Variants in RP1 observed in about 807,000 individuals in gnomAD.
The protein encoded by RP1 is RP1 axonemal microtubule associated, also known as oxygen-regulated protein 1.
A neutral mutation model predicts 14.8 loss-of-function variants in RP1; 16 were observed. The ratio of observed to expected loss-of-function variants is 1.08; its 90% confidence interval spans 0.73 to 1.65. The LOEUF (loss-of-function observed/expected upper bound fraction) is 1.65, where lower values mean the gene tolerates loss of function less well. Among genes scored for constraint, RP1 ranks in the 40% most tolerant of loss-of-function variants. The pLI is 0.00. For synonymous variants in RP1, 876 were observed against 883.6 expected (o/e 0.99, Z 0.15); for missense variants, 2,631 against 2,535.0 (o/e 1.04, Z -0.81).
chr8:54,786,724 G>T (rs1462976296), intron 24 of RP1, among the ~76,000 whole-genome samples: 1 of 152,066 alleles, frequency 6.6e-6, no homozygotes, highest in African/African-American at 2.4e-5. Context: ...TGCCATTTCA[G>T]AAGTCCTGCT....
At chr8:54,786,054 T>C (rs1003102009) in intron 24 of RP1, among the ~76,000 whole-genome samples, 1 of 152,096 alleles carries the variant, frequency 6.6e-6, no homozygotes, top group South Asian at 2.1e-4. Flanking sequence ...AAAAAATATG[T>C]TTTACAATTT....
In RP1 at chr8:54,625,912, G is replaced by C. The variant is rs940904438; in HGVS notation, c.2030G>C (p.Arg677Pro). The change falls in exon 4 of 4, where the codon CGA becomes CCA. Residue 677 changes from arginine to proline, a missense_variant. Transcript: ENST00000220676. ...GCCAGCAAAAAGAAGAAAAAATCTC[G>C]ACAGCAAGCAATAAATTCCAGGTAT... ...SVASKKKKKSRQQAINSRYQD... is the reference protein window; with the variant it reads ...SVASKKKKKSPQQAINSRYQD... 1.2e-6 allele frequency: 2 copies of C among 1,613,594 alleles called. No homozygotes were observed. Among genetic ancestry groups the C allele is most frequent in the African/African-American group, 1.3e-5 (1 of 74,848 alleles).
At chr8:54,596,888 C>G (rs1457498627) in intron 1 of RP1, among the ~76,000 whole-genome samples, 1 of 152,140 alleles carries the variant, frequency 6.6e-6, no homozygotes. Flanking sequence ...TCCTTCCTTT[C>G]TATTCCTATT....
At chr8:54,581,187 G>A in intron 1 of RP1, among the ~76,000 whole-genome samples, 1 of 150,792 alleles carries the variant, frequency 6.6e-6, no homozygotes, top group African/African-American at 2.4e-5. Flanking sequence ...CCCGGTGTGT[G>A]ATGTTCCCCT....
chr8:54,739,379 T>C (rs770513768), intron 19 of RP1, among the ~76,000 whole-genome samples: 11 of 152,098 alleles, frequency 7.2e-5, no homozygotes, highest in Non-Finnish European at 1.6e-4. Context: ...CATCATAACC[T>C]CAAGAAATTG....
rs747841240 is a variant in RP1, at chr8:54,626,246, A to G, written c.2364A>G (p.Gly788=). The change falls in exon 4 of 4, where the codon GGA becomes GGG. Residue 788 remains glycine, a synonymous_variant. Transcript: ENST00000220676. Reference sequence around the variant, plus strand: ...GATCACTAAATAAAATAAGCTTAGGAGCACCTAAAAAAAGAGAAATCGGTC... The same window carrying G: ...GATCACTAAATAAAATAAGCTTAGGGGCACCTAAAAAAAGAGAAATCGGTC... ...KSRSLNKISL[G]APKKREIGQR... is the part of the protein sequence containing the mutation. 3.1e-6 allele frequency: 5 copies of G among 1,613,438 alleles called. 1 individual carries two copies. Among genetic ancestry groups the G allele is most frequent in the Admixed American group, 3.3e-5 (2 of 59,986 alleles).
At chr8:54,614,391 C>T (rs919100791), upstream of RP1, among the ~76,000 whole-genome samples, 1 of 152,116 alleles carries the variant, frequency 6.6e-6, no homozygotes, top group Non-Finnish European at 1.5e-5. Flanking sequence ...CTTAGACTCA[C>T]TTATCAAAGG....
At chr8:54,632,040 C>G (rs543206295), downstream of RP1, among the ~76,000 whole-genome samples, 2 of 152,052 alleles carry the variant, frequency 1.3e-5, no homozygotes, top group African/African-American at 4.8e-5. Flanking sequence ...CGGGGTTTCT[C>G]CATGTTGGTT....
intron 1 of RP1, among the ~76,000 whole-genome samples, chr8:54,599,722 T>A (rs1317617339): frequency 6.6e-6 from 1 of 152,182 alleles, no homozygotes; most frequent in African/African-American, 2.4e-5. Context: ...CCCAAAGTAC[T>A]GGGGTTACAG....
chr8:54,569,169 G>A (rs1804470304), intron 1 of RP1, among the ~76,000 whole-genome samples: 1 of 152,208 alleles, frequency 6.6e-6, no homozygotes, highest in Admixed American at 6.5e-5. Flanking sequence ...AAGATTATGT[G>A]TCAGTCAGAA....
At chr8:54,566,079 CA>C (rs74576800) in intron 1 of RP1, among the ~76,000 whole-genome samples, 34,020 of 152,106 alleles carry the variant, frequency 0.22, 4,225 homozygotes, top group East Asian at 0.37. Context: ...ATTCGGGGCC[CA>C]ACCCCACTCC....
intron 24 of RP1, among the ~76,000 whole-genome samples, chr8:54,792,199 A>G (rs1388508509): frequency 2.6e-5 from 4 of 152,036 alleles, no homozygotes; most frequent in African/African-American, 9.6e-5. Context: ...GCATCTAAAT[A>G]TATGAAGTGA....
At chr8:54,755,868 T>C in intron 21 of RP1, 1 of 1,183,644 alleles carries the variant, frequency 8.4e-7, no homozygotes, top group Non-Finnish European at 1.1e-6. Flanking sequence ...CTCTTCAAAT[T>C]GTAGTTTTAA....
At chr8:54,847,175 A>G (rs185503364) in intron 25 of RP1, among the ~76,000 whole-genome samples, 1 of 152,076 alleles carries the variant, frequency 6.6e-6, no homozygotes, top group African/African-American at 2.4e-5. Flanking sequence ...AGAAAAGGGA[A>G]TTTTTTCTCC....
chr8:54,741,101 G>T (rs1295457871), intron 19 of RP1, among the ~76,000 whole-genome samples: 1 of 152,014 alleles, frequency 6.6e-6, no homozygotes, highest in Non-Finnish European at 1.5e-5. Flanking sequence ...TGACTGTACA[G>T]TGTGTTTGTG....
downstream of RP1, among the ~76,000 whole-genome samples, chr8:54,633,696 A>C (rs1249248566): frequency 3.5e-5 from 5 of 142,690 alleles, no homozygotes; most frequent in African/African-American, 1.3e-4. Context: ...GATGTATTTT[A>C]GCTTTATTTT....
At chr8:54,590,746 T>C (rs1805028474) in intron 1 of RP1, among the ~76,000 whole-genome samples, 1 of 152,186 alleles carries the variant, frequency 6.6e-6, no homozygotes, top group Non-Finnish European at 1.5e-5. Flanking sequence ...TACTCTCAAA[T>C]TTACATACAG....
intron 17 of RP1, among the ~76,000 whole-genome samples, chr8:54,731,950 A>G (rs1371237796): frequency 6.6e-6 from 1 of 152,114 alleles, no homozygotes; most frequent in East Asian, 1.9e-4. Flanking sequence ...TCTTTCTAAT[A>G]CTTAGCTCAG....
chr8:54,649,659 G>A (rs1700221639), intron 4 of RP1, among the ~76,000 whole-genome samples: 1 of 152,166 alleles, frequency 6.6e-6, no homozygotes, highest in African/African-American at 2.4e-5. Context: ...GCAAACAAAG[G>A]CAAGACTTGA....
Sources: allele counts gnomAD v4.1 joint callset (sites outside exome capture counted in the v4.1 genomes callset), GRCh38; gene constraint gnomAD v4.1.1; transcripts MANE v1.5; gene names NCBI Gene and HGNC (gene_info 2026-07-23, HGNC 2026-07-21).